Variants in UGT8 observed in about 807,000 individuals in gnomAD.
UGT8 encodes the protein UDP glycosyltransferase 8, also known as 2-hydroxyacylsphingosine 1-beta-galactosyltransferase.
A neutral mutation model predicts 40.5 loss-of-function variants in UGT8; 12 were observed. The observed-to-expected ratio is 0.30, with a 90% CI of 0.19 to 0.48. The LOEUF (loss-of-function observed/expected upper bound fraction) is 0.48, where lower values mean the gene tolerates loss of function less well. UGT8 is among the 20% of genes least tolerant of loss of function. The probability of loss-of-function intolerance (pLI) is 0.99; values close to 1 mark genes in which losing one functional copy is unlikely to be tolerated. For missense variants in UGT8, 513 were observed against 648.7 expected, an observed-to-expected ratio of 0.79 and a Z score of 2.27; for synonymous variants, 224 against 240.4, an observed-to-expected ratio of 0.93 and a Z score of 0.63.
chr4:114,622,603 T>G, intron 1 of UGT8: 1 of 298,956 alleles, frequency 3.3e-6, no homozygotes, highest in South Asian at 4.2e-5. Context: ...GCACCTGTTG[T>G]TTCCTGACTT....
chr4:114,607,998 A>C (rs1662776141), intron 1 of UGT8, among the ~76,000 whole-genome samples: 1 of 152,136 alleles, frequency 6.6e-6, no homozygotes. Context: ...TTATTTTCAC[A>C]TGGGGATCCA....
chr4:114,675,824 A>C, intron 5 of UGT8, 101 bp from the exon 6 acceptor site: 16 of 1,416,602 alleles, frequency 1.1e-5, no homozygotes, highest in Non-Finnish European at 1.5e-5. Flanking sequence ...CTTACTAAAG[A>C]ATAGTTGTTT....
chr4:114,668,979 G>A (rs1735065970), intron 5 of UGT8, among the ~76,000 whole-genome samples: 1 of 152,158 alleles, frequency 6.6e-6, no homozygotes, highest in African/African-American at 2.4e-5. Flanking sequence ...TTCATTTGTA[G>A]ATATTATATT....
intron 1 of UGT8, among the ~76,000 whole-genome samples, chr4:114,607,172 A>G (rs1216043644): frequency 6.6e-6 from 1 of 152,154 alleles, no homozygotes; most frequent in Non-Finnish European, 1.5e-5. Flanking sequence ...AGCATTTTAC[A>G]GCTCATAACT....
chr4:114,619,927 G>A (rs746645581), intron 1 of UGT8, among the ~76,000 whole-genome samples: 2 of 151,212 alleles, frequency 1.3e-5, no homozygotes, highest in Non-Finnish European at 3.0e-5. Context: ...TTTCTATTGA[G>A]TATTTTTCAG....
rs114412978 is a variant in UGT8, at chr4:114,667,219, C to G, written c.1043-866C>G. Among the ~76,000 whole-genome samples the G allele has an allele frequency of 2.6e-3, 393 of 152,220 alleles. 3 individuals carry two copies. Among genetic ancestry groups the G allele is most frequent in the African/African-American group, 9.1e-3 (380 of 41,538 alleles). On this transcript the variant is annotated intron_variant, in intron 4 of 5. Coordinates refer to ENST00000310836, the MANE Select transcript of UGT8 (RefSeq NM_001128174.3). ...CACCATTGAGACCATGGTTCCCATA[C>G]ATATTAATTTTGTACCTGGCACATG...
intron 1 of UGT8, among the ~76,000 whole-genome samples, chr4:114,614,407 T>G (rs540982397): frequency 6.6e-6 from 1 of 152,318 alleles, no homozygotes; most frequent in South Asian, 2.1e-4. Flanking sequence ...AGATTTCTAT[T>G]AATCTTATTT....
At chr4:114,657,110 G>A (rs888799428) in intron 2 of UGT8, among the ~76,000 whole-genome samples, 1 of 151,386 alleles carries the variant, frequency 6.6e-6, no homozygotes, top group Non-Finnish European at 1.5e-5. Flanking sequence ...TTTCACCTCC[G>A]TTTATTATTT....
At chr4:114,616,065 G>C (rs1213225482) in intron 1 of UGT8, among the ~76,000 whole-genome samples, 1 of 152,128 alleles carries the variant, frequency 6.6e-6, no homozygotes, top group African/African-American at 2.4e-5. Context: ...AGTTGAGGAG[G>C]CAGTCTGCCC....
At chr4:114,604,474 C>CTTTTTTT (rs1285981571) in intron 1 of UGT8, among the ~76,000 whole-genome samples, 1 of 103,622 alleles carries the variant, frequency 9.7e-6, no homozygotes, top group African/African-American at 3.5e-5. Context: ...TTTTTTTTTC[C>CTTTTTTT]CCCAATTAAG....
At chr4:114,627,985 C>T (rs1440146924) in intron 2 of UGT8, among the ~76,000 whole-genome samples, 1 of 152,078 alleles carries the variant, frequency 6.6e-6, no homozygotes, top group Non-Finnish European at 1.5e-5. Context: ...ATTTAATGAA[C>T]TGTATCAAAT....
chr4:114,615,090 C>T (rs962717447), intron 1 of UGT8, among the ~76,000 whole-genome samples: 11 of 152,086 alleles, frequency 7.2e-5, no homozygotes, highest in African/African-American at 2.7e-4. Context: ...AGATATAAAG[C>T]TTAGTTTTTC....
chr4:114,626,306 T>C (rs927171869), intron 2 of UGT8, among the ~76,000 whole-genome samples: 5 of 152,218 alleles, frequency 3.3e-5, no homozygotes, highest in African/African-American at 4.8e-5. Flanking sequence ...TTACAGGGCA[T>C]TGTTGTGACA....
intron 2 of UGT8, among the ~76,000 whole-genome samples, chr4:114,647,397 A>AGTGT (rs1733640054): frequency 2.4e-5 from 2 of 85,094 alleles, no homozygotes; most frequent in Non-Finnish European, 5.6e-5. Context: ...TGTGTGTCTC[A>AGTGT]CTCTGTCACC....
intron 2 of UGT8, among the ~76,000 whole-genome samples, chr4:114,638,013 A>G (rs769134047): frequency 9.2e-5 from 14 of 152,186 alleles, no homozygotes; most frequent in Non-Finnish European, 1.8e-4. Context: ...CCTCTGGCAG[A>G]TTTTTTTGAA....
intron 2 of UGT8, among the ~76,000 whole-genome samples, chr4:114,644,149 T>C (rs1370216672): frequency 6.6e-6 from 1 of 152,178 alleles, no homozygotes; most frequent in East Asian, 1.9e-4. Flanking sequence ...CATGTGTAAA[T>C]GATGATAAAC....
chr4:114,652,783 G>A (rs1733964404), intron 2 of UGT8, among the ~76,000 whole-genome samples: 1 of 152,048 alleles, frequency 6.6e-6, no homozygotes, highest in African/African-American at 2.4e-5. Flanking sequence ...ACCCCAAATA[G>A]CTATGTTTGA....
intron 2 of UGT8, among the ~76,000 whole-genome samples, chr4:114,629,871 G>A (rs1294271511): frequency 6.6e-6 from 1 of 152,164 alleles, no homozygotes; most frequent in Non-Finnish European, 1.5e-5. Flanking sequence ...ACATTGTTAA[G>A]TTTTTAAGCT....
chr4:114,665,250 C>G, intron 3 of UGT8: 1 of 324,644 alleles, frequency 3.1e-6, no homozygotes, highest in South Asian at 1.2e-4. Flanking sequence ...AATACTTCTG[C>G]CTTCCCTCAG....
Sources: allele counts gnomAD v4.1 joint callset (sites outside exome capture counted in the v4.1 genomes callset), GRCh38; gene constraint gnomAD v4.1.1; transcripts MANE v1.5; gene names NCBI Gene and HGNC (gene_info 2026-07-23, HGNC 2026-07-21).